Variants in RAPGEF1 observed in about 807,000 individuals in gnomAD.
The protein encoded by RAPGEF1 is CRK SH3-binding GNRP.
RAPGEF1 carries 33 observed loss-of-function variants against 143.3 expected under a neutral mutation model. That is an observed-to-expected ratio of 0.23 (90% CI 0.17 to 0.31). The LOEUF is 0.31. Among genes scored for constraint, RAPGEF1 ranks in the 10% least tolerant of loss-of-function variants. The pLI is 1.00. For synonymous variants in RAPGEF1, 629 were observed against 676.5 expected, an observed-to-expected ratio of 0.93 and a Z score of 1.09; for missense variants, 1,199 against 1,645.4, an observed-to-expected ratio of 0.73 and a Z score of 4.69.
rs1228470480 is a variant in RAPGEF1, at chr9:131,584,528, T to C, written c.3302A>G (p.Lys1101Arg). ...DRERLLLKFIKIMKHLRKLNN... is the reference protein window; with the variant it reads ...DRERLLLKFIRIMKHLRKLNN... ...CTTGGCCACCATTACCTTCATGATC[T>C]TGATGAACTTCAAGAGCAGCCGTTC... The change falls in exon 23 of 27, where the codon AAG becomes AGG. Residue 1101 changes from lysine to arginine, a missense_variant. Transcript: ENST00000683357. This position sits in a 1 kb window ranked among gnomAD's most constrained non-coding sequence, Gnocchi z 6.8. The C allele has an allele frequency of 1.2e-6, 2 of 1,613,998 alleles. No individual in the cohort carries two copies. The highest frequency in any genetic ancestry group is 1.7e-5 in the Admixed American group (1 of 60,032).
chr9:131,730,428 C>T (rs1836972307), intron 1 of RAPGEF1, among the ~76,000 whole-genome samples: 1 of 151,994 alleles, frequency 6.6e-6, no homozygotes, highest in Admixed American at 6.6e-5. Flanking sequence ...ACCTGTAATC[C>T]CAGCACTTTG....
intron 13 of RAPGEF1, 145 bp from the exon 14 acceptor site, chr9:131,604,198 C>T (rs972376346): frequency 1.5e-5 from 6 of 395,888 alleles, no homozygotes; most frequent in Non-Finnish European, 2.9e-5. Context: ...TGCCTCTGTG[C>T]TAGAGGGGAT....
intron 1 of RAPGEF1, among the ~76,000 whole-genome samples, chr9:131,693,153 T>C (rs553140049): frequency 2.5e-4 from 38 of 152,294 alleles, no homozygotes; most frequent in Non-Finnish European, 4.6e-4. Flanking sequence ...GCTGGAATAA[T>C]GGAAACTCCA....
chr9:131,588,098 C>T (rs1168283686), intron 20 of RAPGEF1, 72 bp from the exon 21 acceptor site: 10 of 1,303,320 alleles, frequency 7.7e-6, no homozygotes, highest in Non-Finnish European at 1.1e-5. Flanking sequence ...CAGGCCCGGG[C>T]TGCGGGCGTC....
At chr9:131,665,726 C>T (rs1472388784) in intron 1 of RAPGEF1, among the ~76,000 whole-genome samples, 1 of 152,118 alleles carries the variant, frequency 6.6e-6, no homozygotes. Flanking sequence ...GGAGGCCTGA[C>T]AAGTGCAAAG....
rs368083905 is a variant in RAPGEF1 at position 131,654,390 on chromosome 9, G to A, written c.62-3441C>T. ...AGTGTCTGAAAACATCTTATTAATC[G>A]ATTTATTTAAACCTGTCTCCTCACA... On this transcript the variant is annotated intron_variant, in intron 1 of 26. Coordinates refer to ENST00000683357, the MANE Select transcript of RAPGEF1 (RefSeq NM_001377935.1). Among the ~76,000 whole-genome samples, 7 of 151,956 alleles carry A rather than the reference G, an allele frequency of 4.6e-5. No homozygotes were observed. The East Asian group carries it at 5.8e-4, about 13-fold the overall frequency.
intron 1 of RAPGEF1, among the ~76,000 whole-genome samples, chr9:131,681,815 C>A (rs796360320): frequency 1.3e-5 from 2 of 152,262 alleles, no homozygotes; most frequent in East Asian, 3.9e-4. Context: ...AAGTGGAGAA[C>A]AATACCCTTC....
chr9:131,586,048 G>A (rs1331356273), intron 22 of RAPGEF1, among the ~76,000 whole-genome samples: 5 of 151,926 alleles, frequency 3.3e-5, no homozygotes, highest in African/African-American at 4.8e-5. Flanking sequence ...GTGTGGTGGC[G>A]AGCACCTGTA....
At chr9:131,581,787 CAG>C (rs1951902775) in intron 25 of RAPGEF1, among the ~76,000 whole-genome samples, 1 of 152,182 alleles carries the variant, frequency 6.6e-6, no homozygotes, top group Non-Finnish European at 1.5e-5. Context: ...ATGAGAAAGA[CAG>C]GGGCAGTTCC....
rs1234404817 is a variant in RAPGEF1 at position 131,725,759 on chromosome 9, TG to T, written c.61+14010del. Among the ~76,000 whole-genome samples the T allele has an allele frequency of 8.3e-3, 1,159 of 138,814 alleles. 12 individuals carry two copies. The highest frequency in any genetic ancestry group is 0.027 in the African/African-American group (1,054 of 38,772). 91.1% of individuals were successfully genotyped at this position (138,814 alleles called of 152,430 possible). The stretch of plus-strand genomic sequence containing the variant: ...CTTTGCCCATTTAAAAATTGGGTTG[TG>T]TTTTTTTTTTTTTTTTGAGACGGAG... On this transcript the variant is annotated intron_variant, in intron 1 of 26. Transcript: ENST00000683357.
At chr9:131,580,028 C>T (rs927029968) in intron 26 of RAPGEF1, among the ~76,000 whole-genome samples, 20 of 152,226 alleles carry the variant, frequency 1.3e-4, no homozygotes, top group African/African-American at 3.6e-4. Context: ...AATGGGAGGA[C>T]GAGCTGTGCT....
intron 1 of RAPGEF1, among the ~76,000 whole-genome samples, chr9:131,656,137 C>T (rs989233714): frequency 3.3e-5 from 5 of 152,180 alleles, no homozygotes; most frequent in Non-Finnish European, 5.9e-5. Context: ...ATAGCAAGGT[C>T]GATAGATACC....
chr9:131,645,270 A>G (rs1437932164), intron 3 of RAPGEF1, among the ~76,000 whole-genome samples: 1 of 152,252 alleles, frequency 6.6e-6, no homozygotes, highest in Non-Finnish European at 1.5e-5. Flanking sequence ...GGACTATGAC[A>G]GTAACACTGC....
At chr9:131,597,149 G>C in intron 16 of RAPGEF1, among the ~76,000 whole-genome samples, 1 of 152,188 alleles carries the variant, frequency 6.6e-6, no homozygotes, top group East Asian at 1.9e-4. Flanking sequence ...GCTCTGTAAC[G>C]CTGGAGGGAC....
At chr9:131,679,689 C>A (rs116081475) in intron 1 of RAPGEF1, among the ~76,000 whole-genome samples, 1 of 152,226 alleles carries the variant, frequency 6.6e-6, no homozygotes, top group Admixed American at 6.5e-5. Context: ...GAGGGTACTA[C>A]GCAGCGGGGA....
At chr9:131,685,723 C>T (rs1253410075) in intron 1 of RAPGEF1, among the ~76,000 whole-genome samples, 1 of 152,180 alleles carries the variant, frequency 6.6e-6, no homozygotes, top group East Asian at 1.9e-4. Context: ...CCTGATTTCC[C>T]ACTTCACACC....
In RAPGEF1 at chr9:131,621,813, G is replaced by C. The variant is rs368994640; in HGVS notation, c.1888C>G (p.Pro630Ala). ...QELAPPPALP[P>A]KQRQLASCAA... ...TCACTCACCAGCTGCCGCTGCTTGGGGGGTAGGGCGGGCGGCGGGGCCAGC... is the reference window on the plus strand; with the variant it reads ...TCACTCACCAGCTGCCGCTGCTTGGCGGGTAGGGCGGGCGGCGGGGCCAGC... Residue 630 changes from proline to alanine, a missense_variant, in exon 11 of 27, where the codon CCC becomes GCC. By Grantham distance (27) the Pro-to-Ala change is conservative. This residue lies in a region of RAPGEF1 where 293 missense variants were observed against 356.2 expected (regional missense o/e 0.82). Coordinates refer to ENST00000683357, the MANE Select transcript of RAPGEF1 (RefSeq NM_001377935.1). The surrounding 1 kb of genome is among the most constrained non-coding windows in gnomAD (Gnocchi z 4.5). The C allele has an allele frequency of 1.9e-5, 31 of 1,607,604 alleles. No individual in the cohort carries two copies. Among genetic ancestry groups the C allele is most frequent in the Non-Finnish European group, 2.5e-5 (29 of 1,177,396 alleles).
intron 16 of RAPGEF1, among the ~76,000 whole-genome samples, chr9:131,597,401 G>A (rs1203466007): frequency 2.6e-5 from 4 of 152,218 alleles, no homozygotes; most frequent in East Asian, 1.9e-4. Context: ...AGCCCAAGGC[G>A]CAGACACATT....
rs541033465 is a variant in RAPGEF1 at position 131,577,801 on chromosome 9, G to A, written c.*1696C>T. ...GGCTGGCCCCGCAAGACCACCGCAA[G>A]AGGGGGTCCCGCCACCAGAGGGGGT... is the stretch of plus-strand genomic sequence containing the variant. On this transcript the variant is annotated 3_prime_UTR_variant, in exon 27 of 27. Transcript: ENST00000683357. 6.6e-6 allele frequency: 1 copy of A among 152,130 alleles called. No individual in the cohort carries two copies. The highest frequency in any genetic ancestry group is 1.9e-4 in the East Asian group (1 of 5,192). The allele number at this position is 152,130 out of a possible 1,614,324, so 9.4% of individuals were successfully genotyped here.
Sources: allele counts gnomAD v4.1 joint callset (sites outside exome capture counted in the v4.1 genomes callset), GRCh38; gene constraint gnomAD v4.1.1; regional missense constraint gnomAD v4.1.1; non-coding constraint Gnocchi (gnomAD v3.1); transcripts MANE v1.5; gene names NCBI Gene and HGNC (gene_info 2026-07-23, HGNC 2026-07-21).